Variants in TCF25 observed in about 807,000 individuals in gnomAD.
TCF25 encodes TCF25 ribosome quality control complex subunit.
Under a neutral mutation model 83.1 loss-of-function variants are expected in TCF25, and 41 were observed. The observed-to-expected ratio is 0.49, with a 90% CI of 0.38 to 0.64. The LOEUF is 0.64. TCF25 is among the 30% of genes least tolerant of loss of function. TCF25 has a pLI of 0.00. For missense variants in TCF25, 979 were observed against 914.5 expected, an observed-to-expected ratio of 1.07 and a Z score of -0.91; for synonymous variants, 458 against 365.0, an observed-to-expected ratio of 1.25 and a Z score of -2.90.
At chr16:89,896,767 G>T (rs1389454097) in intron 9 of TCF25, among the ~76,000 whole-genome samples, 1 of 152,054 alleles carries the variant, frequency 6.6e-6, no homozygotes, top group Non-Finnish European at 1.5e-5. Context: ...TGTTGGCCAG[G>T]ATGGTCTCCA....
chr16:89,905,209 C>T (rs973891562), intron 14 of TCF25, 113 bp downstream of exon 14: 46 of 1,386,692 alleles, frequency 3.3e-5, no homozygotes, highest in Non-Finnish European at 4.2e-5. Context: ...GCTTGGCCTC[C>T]CTTGCTGTGG....
chr16:89,903,025 C>T (rs1239493055), intron 12 of TCF25, among the ~76,000 whole-genome samples: 1 of 152,206 alleles, frequency 6.6e-6, no homozygotes, highest in African/African-American at 2.4e-5. Context: ...AAAGTTTCGT[C>T]CCCTGTGTCT....
At position 89,904,064 on chromosome 16, in the gene TCF25, G is replaced by C. The variant is rs2044570444; in HGVS notation, c.1382-54G>C. The stretch of plus-strand genomic sequence containing the variant: ...TGTCCCTTACTGCCTTGGGGGCTAG[G>C]AGTGGCTGGGGTGTGTGCTGAGGGC... On this transcript the variant is annotated intron_variant, in intron 12 of 17. Coordinates refer to ENST00000263346, the MANE Select transcript of TCF25 (RefSeq NM_014972.3). 25 of 1,553,230 alleles carry C rather than the reference G, an allele frequency of 1.6e-5. No homozygotes were observed. In the South Asian group the frequency reaches 2.6e-4, roughly 16 times the overall value.
chr16:89,904,941 G>A lies in TCF25; in HGVS notation c.1473G>A (p.Gln491=). The change falls in exon 14 of 18, where the codon CAG becomes CAA. Residue 491 remains glutamine, a synonymous_variant. Coordinates refer to ENST00000263346, the MANE Select transcript of TCF25 (RefSeq NM_014972.3). ...RFFGPNAEIS[Q]PPALSQLVNL... ...CAGAGCCCTTGCTCTCCCCCAGCCAGCCCCCTGCCCTGAGCCAGCTGGTGA... is the reference window on the plus strand; with the variant it reads ...CAGAGCCCTTGCTCTCCCCCAGCCAACCCCCTGCCCTGAGCCAGCTGGTGA... The A allele has an allele frequency of 6.2e-7, 1 of 1,605,070 alleles. No homozygotes were observed. Among genetic ancestry groups the A allele is most frequent in the East Asian group, 2.3e-5 (1 of 44,418 alleles).
At chr16:89,883,893 T>G in intron 2 of TCF25, 1 of 212,534 alleles carries the variant, frequency 4.7e-6, no homozygotes, top group Non-Finnish European at 9.8e-6. Flanking sequence ...GGGTTGTGGA[T>G]CTGGGTGCTG....
chr16:89,905,126 ACG>A, intron 14 of TCF25, 30 bp downstream of exon 14: 1 of 1,541,016 alleles, frequency 6.5e-7, no homozygotes, highest in Non-Finnish European at 8.8e-7. Context: ...AAGCCCTGCC[ACG>A]CCCCCTCCTC....
chr16:89,901,504 G>C (rs1178308700), intron 12 of TCF25, among the ~76,000 whole-genome samples: 1 of 134,176 alleles, frequency 7.5e-6, no homozygotes, highest in African/African-American at 2.6e-5. Flanking sequence ...CTAGCACTTT[G>C]GGAGGCCGAG....
chr16:89,885,123 G>A (rs1327429894), intron 3 of TCF25, among the ~76,000 whole-genome samples: 1 of 151,388 alleles, frequency 6.6e-6, no homozygotes, highest in East Asian at 1.9e-4. Flanking sequence ...TCTGCCTGAC[G>A]CTCTCTCCAT....
Position 89,898,613 on chromosome 16 carries a change from C to G in TCF25, c.1079C>G (p.Pro360Arg). 6.2e-7 allele frequency: 1 copy of G among 1,612,658 alleles called. No homozygotes were observed. Among genetic ancestry groups the G allele is most frequent in the South Asian group, 1.1e-5 (1 of 91,072 alleles). The change falls in exon 10 of 18, where the codon CCG becomes CGG. Residue 360 changes from proline to arginine, a missense_variant. By Grantham distance (103) the Pro-to-Arg change is moderately radical. Coordinates refer to ENST00000263346, the MANE Select transcript of TCF25 (RefSeq NM_014972.3). ...QMSFLEKRGC[P>R]RTALEYCKLI... is the part of the protein sequence containing the mutation. Reference sequence around the variant, plus strand: ...AGCTTCCTGGAGAAGCGAGGCTGCCCGCGCACGGCGCTGGAGTACTGCAAG... The same window carrying G: ...AGCTTCCTGGAGAAGCGAGGCTGCCGGCGCACGGCGCTGGAGTACTGCAAG...
At chr16:89,886,320 C>T (rs896858393) in intron 4 of TCF25, among the ~76,000 whole-genome samples, 9 of 151,946 alleles carry the variant, frequency 5.9e-5, no homozygotes, top group African/African-American at 1.7e-4. Context: ...CCCAGCTACT[C>T]GGGAGGCTGA....
chr16:89,875,952 C>T (rs982873692), intron 1 of TCF25, among the ~76,000 whole-genome samples: 6 of 149,612 alleles, frequency 4.0e-5, no homozygotes, highest in African/African-American at 1.5e-4. Context: ...GCTGGGACTA[C>T]AGCATACCCT....
chr16:89,887,972 G>A (rs1433620017), intron 5 of TCF25, among the ~76,000 whole-genome samples: 1 of 152,188 alleles, frequency 6.6e-6, no homozygotes, highest in Non-Finnish European at 1.5e-5. Context: ...CCAGCATGAG[G>A]TTTCAAAAGC....
intron 6 of TCF25, among the ~76,000 whole-genome samples, 162 bp downstream of exon 6, chr16:89,892,437 G>C (rs374820572): frequency 6.6e-6 from 1 of 152,088 alleles, no homozygotes; most frequent in African/African-American, 2.4e-5. Flanking sequence ...CACCAGGGGC[G>C]TCAGTGCCTC....
intron 1 of TCF25, among the ~76,000 whole-genome samples, chr16:89,878,283 A>G (rs1450124637): frequency 6.6e-6 from 1 of 151,764 alleles, no homozygotes; most frequent in Non-Finnish European, 1.5e-5. Flanking sequence ...CTGTCTCAAA[A>G]AAAAAAAAAA....
intron 1 of TCF25, among the ~76,000 whole-genome samples, chr16:89,878,294 G>A (rs2042340853): frequency 6.7e-6 from 1 of 149,498 alleles, no homozygotes; most frequent in South Asian, 2.1e-4. Context: ...AAAAAAAAAA[G>A]ACAACCTCAG....
intron 1 of TCF25, among the ~76,000 whole-genome samples, chr16:89,883,017 A>G (rs2042723677): frequency 6.6e-6 from 1 of 152,326 alleles, no homozygotes; most frequent in South Asian, 2.1e-4. Context: ...GGCTGAATAT[A>G]TATATTTAAC....
intron 16 of TCF25, chr16:89,908,848 C>T: frequency 8.7e-7 from 1 of 1,144,678 alleles, no homozygotes. Context: ...TCGCAGCTCC[C>T]AGCTCTCTCC....
At chr16:89,896,403 ATGTT>A (rs949246063) in intron 9 of TCF25, among the ~76,000 whole-genome samples, 1 of 151,780 alleles carries the variant, frequency 6.6e-6, no homozygotes, top group African/African-American at 2.4e-5. Flanking sequence ...ATAAAAATAA[ATGTT>A]TGTGTTAGAA....
At chr16:89,878,256 G>C (rs1490833037) in intron 1 of TCF25, among the ~76,000 whole-genome samples, 2 of 151,728 alleles carry the variant, frequency 1.3e-5, no homozygotes, top group Non-Finnish European at 2.9e-5. Context: ...CTCCAGCCTG[G>C]GTGACAAAGT....
Sources: allele counts gnomAD v4.1 joint callset (sites outside exome capture counted in the v4.1 genomes callset), GRCh38; gene constraint gnomAD v4.1.1; transcripts MANE v1.5; gene names NCBI Gene and HGNC (gene_info 2026-07-23, HGNC 2026-07-21).